The following IGSF5 variants were observed in gnomAD, a reference collection of about 807,000 sequenced individuals.
IGSF5 encodes immunoglobulin superfamily 5 like.
A neutral mutation model predicts 39.4 loss-of-function variants in IGSF5; 41 were observed. The ratio of observed to expected loss-of-function variants is 1.04; its 90% confidence interval spans 0.81 to 1.35. The LOEUF is 1.35. Ranked by LOEUF, IGSF5 falls within the 40% of genes most tolerant of loss-of-function variation. IGSF5 has a pLI of 0.00. For missense variants in IGSF5, 487 were observed against 494.6 expected, an observed-to-expected ratio of 0.98 and a Z score of 0.15; for synonymous variants, 183 against 175.3, an observed-to-expected ratio of 1.04 and a Z score of -0.34.
intron 8 of IGSF5, 28 bp from the exon 9 acceptor site, chr21:39,801,234 A>C (rs749668435): frequency 1.3e-6 from 2 of 1,567,786 alleles, no homozygotes; most frequent in African/African-American, 2.7e-5. Flanking sequence ...AACCCATTAA[A>C]TTGACTTTTT....
intron 1 of IGSF5, 151 bp from the exon 2 acceptor site, chr21:39,746,065 C>G: frequency 1.5e-6 from 1 of 648,788 alleles, no homozygotes; most frequent in African/African-American, 1.8e-5. Flanking sequence ...TGTTATAGCT[C>G]TATTAGAAGC....
chr21:39,759,295 G>A (rs965995454), intron 2 of IGSF5, among the ~76,000 whole-genome samples: 1 of 152,178 alleles, frequency 6.6e-6, no homozygotes, highest in Non-Finnish European at 1.5e-5. Context: ...AAATGTGTTT[G>A]GGGATGAAGA....
At chr21:39,747,933 A>G (rs1481042585) in intron 2 of IGSF5, among the ~76,000 whole-genome samples, 2 of 142,586 alleles carry the variant, frequency 1.4e-5, no homozygotes, top group Non-Finnish European at 3.0e-5. Context: ...CACATGAAAA[A>G]CTCTGGCAAA....
chr21:39,791,455 C>T (rs1354053908), intron 6 of IGSF5, among the ~76,000 whole-genome samples: 2 of 152,182 alleles, frequency 1.3e-5, no homozygotes, highest in Non-Finnish European at 2.9e-5. Context: ...AGCCTCCAAA[C>T]CCTAGGAGGC....
chr21:39,779,233 T>TGCC lies in IGSF5; in HGVS notation c.864_865insCGC (p.Cys288_Cys289insArg), dbSNP rs768095817. 107 of 1,613,816 alleles carry TGCC rather than the reference T, an allele frequency of 6.6e-5. No homozygotes were observed. The highest frequency in any genetic ancestry group is 7.7e-5 in the Non-Finnish European group (91 of 1,179,888). ...GACGTGTACTCTTACAATACGCTGC[T>TGCC]GCTGCTGCCGCCGTCGTTGTTGTGG... is the stretch of plus-strand genomic sequence containing the variant. On this transcript the variant is annotated inframe_insertion, in exon 5 of 9. Transcript: ENST00000380588.
upstream of IGSF5, among the ~76,000 whole-genome samples, chr21:39,740,802 G>C (rs760585984): frequency 2.0e-5 from 3 of 152,216 alleles, no homozygotes; most frequent in Non-Finnish European, 4.4e-5. Flanking sequence ...CACAGTCGCA[G>C]CATTGGCCCT....
chr21:39,754,730 T>C (rs925417035), intron 2 of IGSF5, among the ~76,000 whole-genome samples: 1 of 152,194 alleles, frequency 6.6e-6, no homozygotes, highest in African/African-American at 2.4e-5. Flanking sequence ...AAAGACAAGT[T>C]AAATCTCAAG....
chr21:39,715,828 G>A, the IGSF5 span, among the ~76,000 whole-genome samples: 1 of 152,002 alleles, frequency 6.6e-6, no homozygotes, highest in Non-Finnish European at 1.5e-5. Flanking sequence ...CAACTTTAGG[G>A]TGAGAATTCA....
chr21:39,720,575 G>A, the IGSF5 span, among the ~76,000 whole-genome samples: 1 of 152,276 alleles, frequency 6.6e-6, no homozygotes, highest in African/African-American at 2.4e-5. Context: ...AACTGTCCTA[G>A]TGGCCAGAAA....
chr21:39,766,585 GAGAAA>G (rs1277749715), intron 3 of IGSF5, among the ~76,000 whole-genome samples: 9 of 152,092 alleles, frequency 5.9e-5, no homozygotes, highest in Non-Finnish European at 1.0e-4. Flanking sequence ...AAGTCATTGA[GAGAAA>G]AGAAAAGAAT....
intron 3 of IGSF5, among the ~76,000 whole-genome samples, chr21:39,766,257 A>C (rs933666315): frequency 6.6e-5 from 10 of 151,860 alleles, no homozygotes; most frequent in African/African-American, 2.4e-4. Flanking sequence ...GTTAAGACTG[A>C]TAGAGACAGA....
chr21:39,738,388 C>A, the IGSF5 span, among the ~76,000 whole-genome samples: 4 of 152,304 alleles, frequency 2.6e-5, no homozygotes, highest in Admixed American at 6.5e-5. This position sits in a 1 kb window ranked among gnomAD's most constrained non-coding sequence, Gnocchi z 6.4. Flanking sequence ...CCCTCTGGGT[C>A]CTTCCCACAA....
At chr21:39,720,305 G>A in the IGSF5 span, among the ~76,000 whole-genome samples, 4 of 152,160 alleles carry the variant, frequency 2.6e-5, no homozygotes, top group South Asian at 8.3e-4. Context: ...TGAGCAATGT[G>A]GAGTGGCTAT....
chr21:39,792,483 C>G (rs58180705), intron 7 of IGSF5, among the ~76,000 whole-genome samples: 8,484 of 152,136 alleles, frequency 0.056, 761 homozygotes, highest in African/African-American at 0.19. Flanking sequence ...ACATATGTAA[C>G]AAACATGCAC....
Position 39,779,129 on chromosome 21 carries a change from G to A in IGSF5, c.758G>A (p.Ser253Asn), listed in dbSNP as rs1220090423. 6.2e-7 allele frequency: 1 copy of A among 1,613,800 alleles called. No homozygotes were observed. Among genetic ancestry groups the A allele is most frequent in the Non-Finnish European group, 8.5e-7 (1 of 1,179,782 alleles). The change falls in exon 5 of 9, where the codon AGT becomes AAT. Residue 253 changes from serine (S) to asparagine (N), a missense_variant. Coordinates refer to ENST00000380588, the MANE Select transcript of IGSF5 (RefSeq NM_001080444.2). ...ATTAATATTCCAGGTGTATTATCAA[G>A]TTTACCGAGTTTAGGTTTTTCATTG... ...GGINIPGVLSSLPSLGFSLPT... is the reference protein window; with the variant it reads ...GGINIPGVLSNLPSLGFSLPT...
intron 2 of IGSF5, among the ~76,000 whole-genome samples, chr21:39,763,403 A>T (rs2080070394): frequency 6.6e-6 from 1 of 152,114 alleles, no homozygotes; most frequent in Admixed American, 6.5e-5. Flanking sequence ...CTGAAAGTCA[A>T]ATCAAGGTCA....
the IGSF5 span, among the ~76,000 whole-genome samples, chr21:39,737,435 A>G: frequency 6.6e-6 from 1 of 151,978 alleles, no homozygotes; most frequent in Non-Finnish European, 1.5e-5. Context: ...GTTACACAAG[A>G]CAGACCCCCT....
intron 3 of IGSF5, among the ~76,000 whole-genome samples, chr21:39,770,468 A>G (rs1253966792): frequency 6.6e-6 from 1 of 152,070 alleles, no homozygotes; most frequent in Non-Finnish European, 1.5e-5. Context: ...TCCAGGGGAG[A>G]CTTGCGTCTG....
intron 3 of IGSF5, among the ~76,000 whole-genome samples, chr21:39,766,103 T>G (rs2080086429): frequency 6.6e-6 from 1 of 152,186 alleles, no homozygotes; most frequent in African/African-American, 2.4e-5. Context: ...TAGCCTTCAG[T>G]TGGCAATAGG....
Sources: allele counts gnomAD v4.1 joint callset (sites outside exome capture counted in the v4.1 genomes callset), GRCh38; gene constraint gnomAD v4.1.1; non-coding constraint Gnocchi (gnomAD v3.1); transcripts MANE v1.5; gene names NCBI Gene and HGNC (gene_info 2026-07-23, HGNC 2026-07-21).